The following CHRM3 variants were observed in gnomAD, a reference collection of about 807,000 sequenced individuals.
The protein encoded by CHRM3 is muscarinic acetylcholine receptor M3.
CHRM3 carries 11 observed loss-of-function variants against 41.8 expected under a neutral mutation model. The ratio of observed to expected loss-of-function variants is 0.26; its 90% confidence interval spans 0.17 to 0.44. The LOEUF is 0.44. CHRM3 is among the 20% of genes least tolerant of loss of function. CHRM3 has a pLI of 1.00. For missense variants in CHRM3, 571 were observed against 745.4 expected, an observed-to-expected ratio of 0.77 and a Z score of 2.72; for synonymous variants, 297 against 301.4, an observed-to-expected ratio of 0.99 and a Z score of 0.15.
chr1:239,783,688 T>A (rs975369382), intron 5 of CHRM3, among the ~76,000 whole-genome samples: 10 of 152,200 alleles, frequency 6.6e-5, no homozygotes, highest in African/African-American at 2.2e-4. Flanking sequence ...AATTGCAAGA[T>A]AAGATAGATT....
intron 3 of CHRM3, among the ~76,000 whole-genome samples, chr1:239,594,705 G>C (rs1039627634): frequency 6.6e-6 from 1 of 152,118 alleles, no homozygotes; most frequent in Admixed American, 6.6e-5. Flanking sequence ...TGGAATATAT[G>C]GTGAAAAGAA....
chr1:239,804,200 A>T (rs1159069983), intron 5 of CHRM3, among the ~76,000 whole-genome samples: 1 of 152,218 alleles, frequency 6.6e-6, no homozygotes, highest in African/African-American at 2.4e-5. Flanking sequence ...TTCCAAGAGC[A>T]AAAGCACTGG....
At chr1:239,839,186 T>A (rs575663200) in intron 6 of CHRM3, among the ~76,000 whole-genome samples, 46 of 152,254 alleles carry the variant, frequency 3.0e-4, no homozygotes, top group Non-Finnish European at 6.3e-4. Context: ...TCAGGGCTAA[T>A]GAATTTGCCC....
At chr1:239,632,026 C>G (rs1317949832) in intron 3 of CHRM3, among the ~76,000 whole-genome samples, 198 bp from the exon 4 acceptor site, 1 of 152,202 alleles carries the variant, frequency 6.6e-6, no homozygotes, top group African/African-American at 2.4e-5. Flanking sequence ...GGTACCTTAA[C>G]TTCTCTGACC....
intron 3 of CHRM3, among the ~76,000 whole-genome samples, chr1:239,618,846 A>G (rs1333573306): frequency 6.7e-6 from 1 of 149,208 alleles, no homozygotes; most frequent in East Asian, 2.0e-4. Flanking sequence ...TCTGTCAGAA[A>G]AAAAAAAAAA....
At chr1:239,513,446 G>C (rs929384827) in intron 2 of CHRM3, among the ~76,000 whole-genome samples, 4 of 152,052 alleles carry the variant, frequency 2.6e-5, no homozygotes, top group African/African-American at 9.7e-5. Flanking sequence ...AATCAGTCAA[G>C]GATTTGGCCC....
At chr1:239,832,931 T>C (rs116805525) in intron 6 of CHRM3, among the ~76,000 whole-genome samples, 1,994 of 152,250 alleles carry the variant, frequency 0.013, 29 homozygotes, top group South Asian at 0.033. Context: ...ACCGTAAACA[T>C]CAAGAGACTA....
intron 4 of CHRM3, among the ~76,000 whole-genome samples, chr1:239,658,438 G>A (rs780412437): frequency 7.0e-4 from 107 of 152,324 alleles, no homozygotes; most frequent in Admixed American, 1.6e-3. Flanking sequence ...GCCAAGATTT[G>A]CAACATGAGG....
At chr1:239,643,340 C>A (rs1558412698) in intron 4 of CHRM3, among the ~76,000 whole-genome samples, 1 of 152,204 alleles carries the variant, frequency 6.6e-6, no homozygotes, top group East Asian at 1.9e-4. Flanking sequence ...TTACTGCTAT[C>A]TTTTTATTTG....
intron 2 of CHRM3, among the ~76,000 whole-genome samples, chr1:239,540,223 A>G (rs1400480015): frequency 1.3e-5 from 2 of 152,238 alleles, no homozygotes; most frequent in Admixed American, 6.5e-5. Context: ...TGTGTTGACT[A>G]CTTTATCTTA....
At chr1:239,651,910 C>G (rs1021314357) in intron 4 of CHRM3, among the ~76,000 whole-genome samples, 12 of 151,992 alleles carry the variant, frequency 7.9e-5, no homozygotes, top group African/African-American at 2.9e-4. Flanking sequence ...AAGACAAATT[C>G]CTTCACTGAT....
At chr1:239,412,408 AC>A (rs1366834314) in intron 1 of CHRM3, among the ~76,000 whole-genome samples, 2 of 68,942 alleles carry the variant, frequency 2.9e-5, no homozygotes, top group Non-Finnish European at 6.1e-5. Context: ...TCCAGTCAGC[AC>A]TGTTCCTCTC....
chr1:239,437,565 C>A (rs1429730583), intron 1 of CHRM3, among the ~76,000 whole-genome samples: 1 of 152,078 alleles, frequency 6.6e-6, no homozygotes. Flanking sequence ...GAGACGGAGT[C>A]TCTCTCTGTC....
At chr1:239,665,249 G>A (rs1673664557) in intron 4 of CHRM3, among the ~76,000 whole-genome samples, 1 of 150,518 alleles carries the variant, frequency 6.6e-6, no homozygotes, top group African/African-American at 2.4e-5. Context: ...AGCGCCTGCT[G>A]TATGCCCAGT....
intron 4 of CHRM3, among the ~76,000 whole-genome samples, chr1:239,663,503 GAGAA>G (rs1673472473): frequency 6.6e-6 from 1 of 152,168 alleles, no homozygotes; most frequent in South Asian, 2.1e-4. Flanking sequence ...GGAGTCCTAA[GAGAA>G]AGGAAGAATA....
chr1:239,761,229 A>AT (rs1307619964), intron 5 of CHRM3, among the ~76,000 whole-genome samples: 22 of 152,070 alleles, frequency 1.4e-4, no homozygotes, highest in African/African-American at 5.3e-4. Flanking sequence ...TCGACGTTTG[A>AT]TGTGGTTCTT....
At chr1:239,400,294 T>A (rs1659855340) in intron 1 of CHRM3, among the ~76,000 whole-genome samples, 1 of 152,236 alleles carries the variant, frequency 6.6e-6, no homozygotes, top group African/African-American at 2.4e-5. Context: ...TATTTTTTAA[T>A]CAGATTATTT....
chr1:239,887,381 T>A (rs1039458682), intron 6 of CHRM3, among the ~76,000 whole-genome samples: 14 of 152,128 alleles, frequency 9.2e-5, no homozygotes, highest in Admixed American at 2.6e-4. Flanking sequence ...TTTGTATTTC[T>A]AGTAGAGACG....
chr1:239,431,385 T>C (rs1662822658), intron 1 of CHRM3, among the ~76,000 whole-genome samples: 1 of 152,208 alleles, frequency 6.6e-6, no homozygotes, highest in Non-Finnish European at 1.5e-5. Context: ...TTAAAATGCC[T>C]GAGGATATAA....
Sources: allele counts gnomAD v4.1 joint callset (sites outside exome capture counted in the v4.1 genomes callset), GRCh38; gene constraint gnomAD v4.1.1; transcripts MANE v1.5; gene names NCBI Gene and HGNC (gene_info 2026-07-23, HGNC 2026-07-21).